Variants in RNF2 observed in about 807,000 individuals in gnomAD.
RNF2 encodes ring finger protein 2.
RNF2 carries 6 observed loss-of-function variants against 37.2 expected under a neutral mutation model. The ratio of observed to expected loss-of-function variants is 0.16; its 90% CI spans 0.09 to 0.32. The LOEUF (loss-of-function observed/expected upper bound fraction) is 0.32. Ranked by LOEUF, RNF2 falls within the 10% of genes least tolerant of loss-of-function variation. The probability of loss-of-function intolerance (pLI) is 1.00; values close to 1 mark genes in which losing one functional copy is unlikely to be tolerated. For missense variants in RNF2, 251 were observed against 404.0 expected (o/e 0.62, Z 3.25); for synonymous variants, 133 against 132.7 (o/e 1.00, Z -0.02).
chr1:185,092,511 T>C (rs1448672487), intron 3 of RNF2, among the ~76,000 whole-genome samples: 1 of 152,160 alleles, frequency 6.6e-6, no homozygotes, highest in African/African-American at 2.4e-5. Context: ...GATTGAAAAC[T>C]AGAAATCTTT....
intron 1 of RNF2, among the ~76,000 whole-genome samples, chr1:185,054,859 G>A (rs566164812): frequency 1.2e-3 from 184 of 152,030 alleles, no homozygotes; most frequent in South Asian, 2.9e-3. Flanking sequence ...CGCCACGCCC[G>A]GCTATTTTTT....
chr1:185,076,782 C>G (rs1258373385), intron 1 of RNF2, among the ~76,000 whole-genome samples: 2 of 151,732 alleles, frequency 1.3e-5, no homozygotes, highest in African/African-American at 2.4e-5. Context: ...TTCTTGAGAT[C>G]ATAGTGTTGC....
At chr1:185,074,856 C>G (rs1651098534) in intron 1 of RNF2, among the ~76,000 whole-genome samples, 1 of 152,108 alleles carries the variant, frequency 6.6e-6, no homozygotes, top group Non-Finnish European at 1.5e-5. Context: ...AAGTTATATG[C>G]AAATGCTGTG....
At chr1:185,055,044 A>G (rs761615546) in intron 1 of RNF2, among the ~76,000 whole-genome samples, 3 of 152,194 alleles carry the variant, frequency 2.0e-5, no homozygotes, top group Non-Finnish European at 4.4e-5. Flanking sequence ...TCTTGAGAGA[A>G]CACCCCAAAA....
At chr1:185,083,715 A>T (rs1175091773) in intron 1 of RNF2, among the ~76,000 whole-genome samples, 1 of 138,348 alleles carries the variant, frequency 7.2e-6, no homozygotes, top group East Asian at 2.2e-4. Context: ...TCAGCTCACT[A>T]CAACCTCAGC....
intron 1 of RNF2, among the ~76,000 whole-genome samples, chr1:185,079,665 C>T (rs146295513): frequency 1.3e-5 from 2 of 152,106 alleles, no homozygotes; most frequent in African/African-American, 2.4e-5. Context: ...TGTGGTGGCT[C>T]ACGCCTGTAA....
At chr1:185,072,854 C>T (rs769985354) in intron 1 of RNF2, among the ~76,000 whole-genome samples, 2 of 152,034 alleles carry the variant, frequency 1.3e-5, no homozygotes, top group East Asian at 1.9e-4. Flanking sequence ...GCAGGAGAAT[C>T]GCTTGAACCC....
rs775250804 is a variant in RNF2, at chr1:185,099,806, T to C, written c.753T>C (p.Ser251=). 3 of 1,613,724 alleles carry C rather than the reference T, an allele frequency of 1.9e-6. No individual in the cohort carries two copies. Among genetic ancestry groups the C allele is most frequent in the Non-Finnish European group, 2.5e-6 (3 of 1,179,918 alleles). The change falls in exon 6 of 7, where the codon TCT becomes TCC. Residue 251 remains serine (S), a synonymous_variant. Coordinates refer to ENST00000367510, the MANE Select transcript of RNF2 (RefSeq NM_007212.4). ...ATTCTTCTAGATACATAAAGACTTC[T>C]GGTAACGCCACTGTTGATCACTTAT... ...DSAQTRYIKT[S]GNATVDHLSK... is the part of the protein sequence containing the mutation.
chr1:185,076,993 CAGTTA>C (rs1184920606), intron 1 of RNF2, among the ~76,000 whole-genome samples: 3 of 151,958 alleles, frequency 2.0e-5, no homozygotes, highest in African/African-American at 4.8e-5. Flanking sequence ...TAATATACTT[CAGTTA>C]AGTTGTAGAG....
chr1:185,091,006 C>T (rs1428342111), intron 2 of RNF2, among the ~76,000 whole-genome samples: 1 of 152,150 alleles, frequency 6.6e-6, no homozygotes, highest in Non-Finnish European at 1.5e-5. Flanking sequence ...TAAAATTGCT[C>T]TGTGGAAAAG....
chr1:185,085,412 A>G (rs567776586), intron 1 of RNF2, among the ~76,000 whole-genome samples: 2 of 151,892 alleles, frequency 1.3e-5, no homozygotes, highest in Admixed American at 1.3e-4. Context: ...CTGAGATTAC[A>G]AGCGTGAGCC....
chr1:185,088,268 A>G (rs891997790), intron 2 of RNF2, among the ~76,000 whole-genome samples: 28 of 152,196 alleles, frequency 1.8e-4, no homozygotes, highest in African/African-American at 6.5e-4. Flanking sequence ...GGTAATGGAC[A>G]AGGAGCCAGT....
At position 185,100,277 on chromosome 1, in the gene RNF2, C is replaced by T. The variant is rs1471212169; in HGVS notation, c.987C>T (p.Tyr329=). The part of the protein sequence containing the change: ...WKVNKPMELY[Y]APTKEHK ...TGAACAAACCCATGGAACTTTATTA[C>T]GCACCTACAAAGGAGCACAAATGAG... is the stretch of plus-strand genomic sequence containing the variant. The change falls in exon 7 of 7, where the codon TAC becomes TAT. Residue 329 remains tyrosine, a synonymous_variant. Transcript: ENST00000367510. 41 of 1,611,074 alleles carry T rather than the reference C, an allele frequency of 2.5e-5. No homozygotes were observed. The highest frequency in any genetic ancestry group is 4.5e-5 in the East Asian group (2 of 44,778).
At chr1:185,085,871 C>T (rs555571279) in intron 1 of RNF2, among the ~76,000 whole-genome samples, 3 of 152,140 alleles carry the variant, frequency 2.0e-5, no homozygotes, top group East Asian at 3.9e-4. Context: ...AGGCTGGTCT[C>T]GAACTCCTCA....
At chr1:185,099,312 T>C (rs1652009726) in intron 5 of RNF2, among the ~76,000 whole-genome samples, 1 of 152,200 alleles carries the variant, frequency 6.6e-6, no homozygotes, top group Non-Finnish European at 1.5e-5. Flanking sequence ...CCTCCCAAAA[T>C]GTTGGGATTA....
chr1:185,101,243 C>G lies in RNF2; in HGVS notation c.*942C>G, dbSNP rs1269374648. 6.6e-6 allele frequency: 1 copy of G among 152,428 alleles called. No individual in the cohort carries two copies. The highest frequency in any genetic ancestry group is 1.5e-5 in the Non-Finnish European group (1 of 67,952). 9.4% of individuals were successfully genotyped at this position (152,428 alleles called of 1,614,324 possible). ...TTCTTATTTGTAGCCACATAAGTTT[C>G]AAGAATAACATGGCACACAGAACAA... On this transcript the variant is annotated 3_prime_UTR_variant, in exon 7 of 7. Coordinates refer to ENST00000367510, the MANE Select transcript of RNF2 (RefSeq NM_007212.4).
chr1:185,069,162 A>C (rs1650890368), intron 1 of RNF2, among the ~76,000 whole-genome samples: 1 of 152,178 alleles, frequency 6.6e-6, no homozygotes, highest in Admixed American at 6.5e-5. Context: ...ACTATTGAAA[A>C]TATACATTTG....
chr1:185,072,678 T>C (rs1257186154), intron 1 of RNF2, among the ~76,000 whole-genome samples: 3 of 152,128 alleles, frequency 2.0e-5, no homozygotes, highest in South Asian at 4.1e-4. Context: ...GAACAGCTCA[T>C]GCCTGTAATC....
rs1571322535 is a variant in RNF2 at position 185,089,496 on chromosome 1, T to A, written c.87+1856T>A. Among the ~76,000 whole-genome samples, 6 of 152,298 alleles carry A rather than the reference T, an allele frequency of 3.9e-5. No homozygotes were observed. The South Asian group carries it at 1.2e-3, about 32-fold the overall frequency. ...CTTGGTGACCTTGACAAGAGCACGT[T>A]CACCTGAGTAGATTGTACAAGTTTG... On this transcript the variant is annotated intron_variant, in intron 2 of 6. Transcript: ENST00000367510.
Sources: allele counts gnomAD v4.1 joint callset (sites outside exome capture counted in the v4.1 genomes callset), GRCh38; gene constraint gnomAD v4.1.1; transcripts MANE v1.5; gene names NCBI Gene and HGNC (gene_info 2026-07-23, HGNC 2026-07-21).